The following DGKI variants were observed in gnomAD, a reference collection of about 807,000 sequenced individuals.
DGKI encodes diacylglycerol kinase iota.
In DGKI, 55 loss-of-function variants were observed where a neutral mutation model predicts 147.5. That is an observed-to-expected ratio of 0.37 (90% CI 0.30 to 0.47). The LOEUF (loss-of-function observed/expected upper bound fraction) is 0.47, where lower values mean the gene tolerates loss of function less well. Ranked by LOEUF, DGKI falls within the 20% of genes least tolerant of loss-of-function variation. DGKI has a pLI of 1.00. For missense variants in DGKI, 1,007 were observed against 1,323.8 expected (o/e 0.76, Z 3.71); for synonymous variants, 469 against 477.1 (o/e 0.98, Z 0.22).
Position 137,572,774 on chromosome 7 carries a change from T to G in DGKI, c.1826A>C (p.Asn609Thr). 1 of 1,606,478 alleles carries G rather than the reference T, an allele frequency of 6.2e-7. No individual in the cohort carries two copies. The highest frequency in any genetic ancestry group is 8.5e-7 in the Non-Finnish European group (1 of 1,175,796). The stretch of plus-strand genomic sequence containing the variant: ...TACAAACAGAGCCTACCTGGGTATA[T>G]TTAAAAATACTATACACTGGAACTT... ...ELKFQCIVFL[N>T]IPRYCAGTMP... Residue 609 changes from asparagine (N) to threonine (T), a missense_variant, in exon 18 of 33, where the codon AAT (asparagine) becomes ACT (threonine). By Grantham distance (65) the Asn-to-Thr change is moderately conservative (BLOSUM62 0). Coordinates refer to ENST00000614521, the MANE Select transcript of DGKI (RefSeq NM_001321708.2).
chr7:137,537,147 G>A (rs1010224925), intron 20 of DGKI, among the ~76,000 whole-genome samples: 3 of 152,180 alleles, frequency 2.0e-5, no homozygotes, highest in African/African-American at 4.8e-5. Context: ...ACAGTCTGAA[G>A]TGAAATTACT....
intron 29 of DGKI, among the ~76,000 whole-genome samples, chr7:137,410,695 G>A (rs896504972): frequency 1.1e-4 from 17 of 152,200 alleles, no homozygotes; most frequent in African/African-American, 4.1e-4. Context: ...AAATAAAATG[G>A]AAGGGTTTCA....
chr7:137,425,736 G>C (rs923029389), intron 28 of DGKI, among the ~76,000 whole-genome samples: 3 of 152,234 alleles, frequency 2.0e-5, no homozygotes, highest in African/African-American at 7.2e-5. Flanking sequence ...CAAGGCTTGA[G>C]AACTACGTGA....
In DGKI at chr7:137,382,003, C is replaced by A. The variant is rs1041619161; in HGVS notation, c.*9217G>T. On this transcript the variant is annotated 3_prime_UTR_variant, in exon 33 of 33. Transcript: ENST00000614521. ...GTGGGGAGAGTGGCGAATAAAAATT[C>A]TTTGATCTCCAGAAGATCAGGAGAT... is the stretch of plus-strand genomic sequence containing the variant. The A allele has an allele frequency of 1.3e-5, 2 of 151,964 alleles. No individual in the cohort carries two copies. The highest frequency in any genetic ancestry group is 2.9e-5 in the Non-Finnish European group (2 of 67,980). 9.4% of individuals were successfully genotyped at this position (151,964 alleles called of 1,614,324 possible).
intron 8 of DGKI, 151 bp downstream of exon 8, chr7:137,619,673 A>G (rs1340047214): frequency 3.2e-6 from 2 of 634,294 alleles, no homozygotes; most frequent in Non-Finnish European, 5.6e-6. Context: ...AGATGGGCCA[A>G]TGGGATGAAC....
chr7:137,661,624 C>G (rs145309673), intron 3 of DGKI, among the ~76,000 whole-genome samples: 3 of 152,144 alleles, frequency 2.0e-5, no homozygotes, highest in African/African-American at 7.2e-5. Context: ...AGATTCACCC[C>G]GAGGACTAGA....
intron 1 of DGKI, among the ~76,000 whole-genome samples, chr7:137,821,530 A>C (rs971204646): frequency 1.3e-5 from 2 of 152,220 alleles, no homozygotes; most frequent in African/African-American, 4.8e-5. Flanking sequence ...TATTGTTGTA[A>C]AGCAAAACAG....
At chr7:137,667,137 G>C (rs191976666) in intron 3 of DGKI, among the ~76,000 whole-genome samples, 110 of 152,106 alleles carry the variant, frequency 7.2e-4, no homozygotes, top group Non-Finnish European at 1.2e-3. Flanking sequence ...GTTATTATTT[G>C]TGCCAGCAGG....
At chr7:137,557,348 T>C (rs1818258991) in intron 19 of DGKI, among the ~76,000 whole-genome samples, 1 of 152,180 alleles carries the variant, frequency 6.6e-6, no homozygotes, top group Non-Finnish European at 1.5e-5. Context: ...AAATATATAA[T>C]ACTTAAAGAT....
intron 28 of DGKI, among the ~76,000 whole-genome samples, chr7:137,435,882 T>C (rs115652919): frequency 6.6e-6 from 1 of 152,170 alleles, no homozygotes; most frequent in African/African-American, 2.4e-5. Flanking sequence ...TGGGTTCAAA[T>C]GCTTCTCTTC....
chr7:137,776,980 T>C (rs975676544), intron 1 of DGKI, among the ~76,000 whole-genome samples: 4 of 151,650 alleles, frequency 2.6e-5, no homozygotes, highest in African/African-American at 9.7e-5. Context: ...AGGCCAAGAG[T>C]TCAAGACCAG....
chr7:137,802,625 G>T (rs993759779), intron 1 of DGKI, among the ~76,000 whole-genome samples: 1 of 152,170 alleles, frequency 6.6e-6, no homozygotes, highest in Non-Finnish European at 1.5e-5. Context: ...CTAATAAAGG[G>T]ATATTCTCCA....
intron 7 of DGKI, among the ~76,000 whole-genome samples, chr7:137,622,851 G>A (rs893114800): frequency 2.7e-4 from 41 of 152,170 alleles, no homozygotes; most frequent in Non-Finnish European, 3.4e-4. Flanking sequence ...GGGAAAAAAG[G>A]TAGATTAAAG....
At chr7:137,641,229 C>T (rs998556463) in intron 6 of DGKI, among the ~76,000 whole-genome samples, 2 of 152,166 alleles carry the variant, frequency 1.3e-5, no homozygotes, top group Non-Finnish European at 2.9e-5. Flanking sequence ...TCCCCAGCCA[C>T]GTGGAACTGT....
intron 23 of DGKI, among the ~76,000 whole-genome samples, chr7:137,474,330 T>G (rs937244586): frequency 2.0e-5 from 3 of 152,352 alleles, no homozygotes; most frequent in East Asian, 1.9e-4. Context: ...GAGATTTTTT[T>G]GAAGTCAATG....
chr7:137,539,506 C>T (rs923596617), intron 20 of DGKI, among the ~76,000 whole-genome samples: 8 of 152,062 alleles, frequency 5.3e-5, no homozygotes, highest in Admixed American at 4.6e-4. Context: ...GGGTAGAACT[C>T]CACCCAGATC....
At position 137,479,451 on chromosome 7, in the gene DGKI, G is replaced by T. The variant is rs1815294257; in HGVS notation, c.2373+5923C>A. ...TATATATATTTCTGAAAGCCAACTG[G>T]CACAAATTATATAAAATTGATGAGA... On this transcript the variant is annotated intron_variant, in intron 23 of 32. Coordinates refer to ENST00000614521, the MANE Select transcript of DGKI (RefSeq NM_001321708.2). Among the ~76,000 whole-genome samples the T allele has an allele frequency of 2.0e-5, 3 of 151,934 alleles. No homozygotes were observed. In the South Asian group the frequency reaches 6.2e-4, roughly 32 times the overall value.
At chr7:137,585,413 C>G in intron 13 of DGKI, 67 bp from the exon 14 acceptor site, 1 of 1,550,578 alleles carries the variant, frequency 6.4e-7, no homozygotes, top group Non-Finnish European at 8.7e-7. Context: ...TGCTATTTTA[C>G]GCAAGGAAGA....
chr7:137,512,880 T>C (rs536457716), intron 21 of DGKI, among the ~76,000 whole-genome samples: 199 of 152,246 alleles, frequency 1.3e-3, no homozygotes, highest in African/African-American at 4.6e-3. Context: ...TTTGGCCCAA[T>C]ATTCCCCGGG....
Sources: gnomAD v4.1 joint callset for allele counts (sites outside exome capture counted in the v4.1 genomes callset) on GRCh38, gnomAD v4.1.1 for gene constraint, MANE v1.5 for transcripts, NCBI Gene and HGNC (gene_info 2026-07-23, HGNC 2026-07-21) for gene names.